The following RYR2 variants were observed in gnomAD, a reference collection of about 807,000 sequenced individuals.
RYR2 encodes the protein cardiac muscle ryanodine receptor-calcium release channel.
A neutral mutation model predicts 601.1 loss-of-function variants in RYR2; 227 were observed. The observed-to-expected ratio is 0.38, with a 90% CI of 0.34 to 0.42. The LOEUF (loss-of-function observed/expected upper bound fraction) is 0.42, where lower values mean the gene tolerates loss of function less well. RYR2 is among the 10% of genes least tolerant of loss of function. RYR2 has a pLI of 1.00. For synonymous variants in RYR2, 2,223 were observed against 2,175.1 expected, an observed-to-expected ratio of 1.02 and a Z score of -0.61; for missense variants, 4,646 against 6,156.5, an observed-to-expected ratio of 0.75 and a Z score of 8.21.
At position 237,454,503 on chromosome 1, in the gene RYR2, C is replaced by T. The variant is rs776288769; in HGVS notation, c.1405C>T (p.His469Tyr). The change falls in exon 15 of 105, where the codon CAT (histidine) becomes TAT (tyrosine). Residue 469 changes from histidine (H) to tyrosine (Y), a missense_variant. This residue lies in a region of RYR2 where 1,807 missense variants were observed against 2,088.1 expected (regional missense o/e 0.87). Coordinates refer to ENST00000366574, the MANE Select transcript of RYR2 (RefSeq NM_001035.3). ...TGGCTACTTCCACCCCCCAGATGAG[C>T]ATTTAGAGCATGAAGACAAACAGAA... The part of the protein sequence containing the change: ...LIGYFHPPDE[H>Y]LEHEDKQNRL... 5 of 1,613,364 alleles carry T rather than the reference C, an allele frequency of 3.1e-6. No individual in the cohort carries two copies. Among genetic ancestry groups the T allele is most frequent in the Non-Finnish European group, 8.5e-7 (1 of 1,179,652 alleles).
intron 1 of RYR2, among the ~76,000 whole-genome samples, chr1:237,113,131 C>CT (rs144180365): frequency 0.014 from 2,202 of 152,044 alleles, 35 homozygotes; most frequent in African/African-American, 0.046. Flanking sequence ...AGAAAGGGGG[C>CT]TTTTTTCCCC....
chr1:237,688,692 G>A (rs1686662139), intron 63 of RYR2, among the ~76,000 whole-genome samples: 2 of 152,044 alleles, frequency 1.3e-5, no homozygotes, highest in Admixed American at 1.3e-4. Flanking sequence ...CTTCAACAGA[G>A]AAATATTTTC....
chr1:237,378,168 G>A (rs760950019), intron 8 of RYR2, among the ~76,000 whole-genome samples: 5 of 152,148 alleles, frequency 3.3e-5, no homozygotes, highest in East Asian at 1.9e-4. Context: ...GATCTCATGA[G>A]ACTTATTCAC....
At chr1:237,690,536 A>G (rs1190374687) in intron 63 of RYR2, among the ~76,000 whole-genome samples, 1 of 152,242 alleles carries the variant, frequency 6.6e-6, no homozygotes, top group African/African-American at 2.4e-5. Flanking sequence ...TACATAAATT[A>G]CATACTAAAC....
At chr1:237,166,034 C>T (rs903404721) in intron 1 of RYR2, among the ~76,000 whole-genome samples, 1 of 152,090 alleles carries the variant, frequency 6.6e-6, no homozygotes, top group African/African-American at 2.4e-5. Flanking sequence ...AAAAAACCCA[C>T]AAAAACTTTA....
At position 237,610,751 on chromosome 1, in the gene RYR2, C is replaced by T. The variant is rs7546045; in HGVS notation, c.4684-11C>T. ...CTACATTTATTCTTTTTCTGCCTCC[C>T]CATCCGCTAGAATGTGATGCCTCTC... On this transcript the variant is annotated splice_polypyrimidine_tract_variant and intron_variant, in intron 35 of 104. Coordinates refer to ENST00000366574, the MANE Select transcript of RYR2 (RefSeq NM_001035.3). The surrounding 1 kb of genome is among the most constrained non-coding windows in gnomAD (Gnocchi z 4.9). 17,870 of 1,582,360 alleles carry T rather than the reference C, an allele frequency of 0.011. 1,391 individuals carry two copies. In the African/African-American group the frequency reaches 0.19, roughly 17 times the overall value.
chr1:237,272,641 T>A (rs190271044), intron 2 of RYR2, among the ~76,000 whole-genome samples: 6 of 149,664 alleles, frequency 4.0e-5, no homozygotes, highest in Non-Finnish European at 7.4e-5. Flanking sequence ...TATTGTTTTA[T>A]ATATAAAAAG....
intron 63 of RYR2, among the ~76,000 whole-genome samples, chr1:237,694,809 C>T (rs903825427): frequency 1.3e-5 from 2 of 152,156 alleles, no homozygotes; most frequent in Non-Finnish European, 2.9e-5. Context: ...TGTTCAATAT[C>T]ACAGACTTTA....
At chr1:237,493,357 G>A (rs993090440) in intron 19 of RYR2, among the ~76,000 whole-genome samples, 17 of 151,958 alleles carry the variant, frequency 1.1e-4, no homozygotes, top group Admixed American at 2.6e-4. Flanking sequence ...GGCATCTTCA[G>A]GACCACCCTG....
chr1:237,626,575 T>TTTTCC (rs1159363927), intron 40 of RYR2, among the ~76,000 whole-genome samples: 1 of 137,182 alleles, frequency 7.3e-6, no homozygotes. Flanking sequence ...TTTCTTTTTC[T>TTTTCC]TTTTCTTTTT....
At chr1:237,104,865 A>T (rs1668493548) in intron 1 of RYR2, among the ~76,000 whole-genome samples, 1 of 152,194 alleles carries the variant, frequency 6.6e-6, no homozygotes, top group African/African-American at 2.4e-5. Context: ...ACTATCGTGC[A>T]GTGGAGATTC....
chr1:237,830,759 G>C (rs750259820), intron 103 of RYR2, 129 bp downstream of exon 103: 24 of 555,140 alleles, frequency 4.3e-5, no homozygotes, highest in Non-Finnish European at 6.2e-5. Flanking sequence ...TTAAAAGAAA[G>C]TCCAACAGCT....
Position 237,732,043 on chromosome 1 carries a change from C to A in RYR2, c.10936-3C>A. The A allele has an allele frequency of 6.3e-7, 1 of 1,583,856 alleles. No individual in the cohort carries two copies. Among genetic ancestry groups the A allele is most frequent in the Non-Finnish European group, 8.6e-7 (1 of 1,164,906 alleles). ...ACATTTTATAAATTTGACTTTTTTGCAGAAACCTGGGGCTGAACCTCCAGA... is the reference window on the plus strand; with the variant it reads ...ACATTTTATAAATTTGACTTTTTTGAAGAAACCTGGGGCTGAACCTCCAGA... On this transcript the variant is annotated splice_region_variant and splice_polypyrimidine_tract_variant and intron_variant, in intron 77 of 104. Transcript: ENST00000366574.
chr1:237,560,150 TG>T (rs1243077971), intron 27 of RYR2, among the ~76,000 whole-genome samples: 1 of 152,256 alleles, frequency 6.6e-6, no homozygotes, highest in African/African-American at 2.4e-5. Context: ...TGCACAGCCC[TG>T]GGCATGAGCA....
chr1:237,573,297 C>T (rs1672892670), intron 29 of RYR2, among the ~76,000 whole-genome samples: 2 of 151,746 alleles, frequency 1.3e-5, no homozygotes, highest in South Asian at 4.2e-4. Flanking sequence ...CACATACACA[C>T]AGACACATGC....
chr1:237,316,743 G>A (rs1695153172), intron 2 of RYR2, among the ~76,000 whole-genome samples: 2 of 152,036 alleles, frequency 1.3e-5, no homozygotes, highest in Admixed American at 6.6e-5. Context: ...CCCTAGTTTA[G>A]GTTCTTCTTA....
intron 1 of RYR2, among the ~76,000 whole-genome samples, chr1:237,127,837 C>A (rs1216423820): frequency 1.3e-5 from 2 of 151,428 alleles, no homozygotes; most frequent in Non-Finnish European, 2.9e-5. Flanking sequence ...GGCGGCTGGG[C>A]AGAGGTGCTC....
At chr1:237,811,268 G>A (rs1024456834) in intron 100 of RYR2, among the ~76,000 whole-genome samples, 2 of 152,032 alleles carry the variant, frequency 1.3e-5, no homozygotes, top group African/African-American at 4.8e-5. Context: ...AGAGGTTGAG[G>A]GAAGCTCTGC....
intron 62 of RYR2, among the ~76,000 whole-genome samples, chr1:237,683,508 C>T (rs966543410): frequency 6.6e-6 from 1 of 152,112 alleles, no homozygotes; most frequent in South Asian, 2.1e-4. Context: ...TCAAGCCAGT[C>T]AAAGTTGATC....
Sources: gnomAD v4.1 joint callset for allele counts (sites outside exome capture counted in the v4.1 genomes callset) on GRCh38, gnomAD v4.1.1 for gene constraint, gnomAD v4.1.1 regional missense constraint, Gnocchi (gnomAD v3.1) non-coding constraint, MANE v1.5 for transcripts, NCBI Gene and HGNC (gene_info 2026-07-23, HGNC 2026-07-21) for gene names.